The following VASP variants were observed in gnomAD, a reference collection of about 807,000 sequenced individuals.
VASP encodes vasodilator stimulated phosphoprotein, also known as vasodilator-stimulated phosphoprotein.
VASP carries 27 observed loss-of-function variants against 54.4 expected under a neutral mutation model. That is an observed-to-expected ratio of 0.50 (90% CI 0.37 to 0.68). The LOEUF is 0.68. VASP is among the 30% of genes least tolerant of loss of function. The probability of loss-of-function intolerance (pLI) is 0.00; values close to 1 mark genes in which losing one functional copy is unlikely to be tolerated. For synonymous variants in VASP, 233 were observed against 209.8 expected (o/e 1.11, Z -0.96); for missense variants, 488 against 528.3 (o/e 0.92, Z 0.75).
intron 9 of VASP, 97 bp from the exon 10 acceptor site, chr19:45,524,000 T>A: frequency 6.2e-7 from 1 of 1,608,818 alleles, no homozygotes. Flanking sequence ...TCTCCTGAGA[T>A]GGGGCTTTGA....
intron 1 of VASP, among the ~76,000 whole-genome samples, chr19:45,514,188 T>TGGCCTGCG (rs1968656647): frequency 6.6e-6 from 1 of 152,052 alleles, no homozygotes; most frequent in Non-Finnish European, 1.5e-5. Context: ...GGAATGTGTC[T>TGGCCTGCG]GGCCTGCGGG....
chr19:45,512,598 G>A (rs970503543), intron 1 of VASP, among the ~76,000 whole-genome samples: 6 of 137,980 alleles, frequency 4.3e-5, no homozygotes, highest in African/African-American at 1.6e-4. Flanking sequence ...TACCTTTTTT[G>A]TTTGTTTGTT....
chr19:45,522,416 C>A lies in VASP; in HGVS notation c.555C>A (p.Pro185=). 6.5e-7 allele frequency: 1 copy of A among 1,528,046 alleles called. No homozygotes were observed. Among genetic ancestry groups the A allele is most frequent in the South Asian group, 1.2e-5 (1 of 80,156 alleles). 94.7% of individuals were successfully genotyped at this position (1,528,046 alleles called of 1,614,324 possible). A position where few individuals can be genotyped will look rare whatever the true frequency, so the allele number is the denominator to read the frequency against. Residue 185 remains proline, a synonymous_variant, in exon 6 of 13, where the codon CCC becomes CCA. Coordinates refer to ENST00000245932, the MANE Select transcript of VASP (RefSeq NM_003370.4). ...CCCCTCCTCCAGGTCCCCCCCCACC[C>A]CCAGGTTTGCCCCCTTCGGGGGTCC... The part of the protein sequence containing the change: ...GPPPPPGPPP[P]PGLPPSGVPA...
At chr19:45,519,950 G>T (rs1968796156) in intron 3 of VASP, among the ~76,000 whole-genome samples, 1 of 124,532 alleles carries the variant, frequency 8.0e-6, no homozygotes, top group Non-Finnish European at 1.6e-5. Context: ...TGTCTCTCAG[G>T]CTGGAGTGCA....
intron 11 of VASP, chr19:45,525,671 C>G: frequency 3.2e-6 from 1 of 309,674 alleles, no homozygotes; most frequent in Non-Finnish European, 6.0e-6. Context: ...GCACTGCAGT[C>G]TGGGTGACAG....
At chr19:45,525,496 C>T (rs932245580) in intron 11 of VASP, among the ~76,000 whole-genome samples, 5 of 152,050 alleles carry the variant, frequency 3.3e-5, no homozygotes, top group East Asian at 1.9e-4. Flanking sequence ...GTCAAAAGTT[C>T]GAGACCAGCC....
intron 1 of VASP, among the ~76,000 whole-genome samples, chr19:45,511,078 C>T (rs1968592419): frequency 6.6e-6 from 1 of 152,030 alleles, no homozygotes. Context: ...ATTTATCTTC[C>T]TATTCACTTA....
At chr19:45,511,445 G>A (rs529085622) in intron 1 of VASP, among the ~76,000 whole-genome samples, 1 of 152,202 alleles carries the variant, frequency 6.6e-6, no homozygotes, top group Non-Finnish European at 1.5e-5. Flanking sequence ...TTTCAGAGAG[G>A]CAAAGCCACA....
chr19:45,512,920 C>G (rs1968629639), intron 1 of VASP, among the ~76,000 whole-genome samples: 1 of 152,080 alleles, frequency 6.6e-6, no homozygotes, highest in African/African-American at 2.4e-5. Context: ...TTTGTAAAGC[C>G]TCTGATCAAC....
At chr19:45,512,976 T>G (rs1319914194) in intron 1 of VASP, among the ~76,000 whole-genome samples, 1 of 152,202 alleles carries the variant, frequency 6.6e-6, no homozygotes, top group Non-Finnish European at 1.5e-5. Flanking sequence ...TAGCTCTGCT[T>G]CTTCATCTTT....
chr19:45,516,636 G>A (rs1200889640), intron 1 of VASP, among the ~76,000 whole-genome samples: 1 of 152,166 alleles, frequency 6.6e-6, no homozygotes, highest in Non-Finnish European at 1.5e-5. Context: ...CCCTCAGCCT[G>A]TCTCTCCATC....
In VASP at chr19:45,517,852, C is replaced by A. The variant is rs1435706416; in HGVS notation, c.177+18C>A. 1.2e-6 allele frequency: 2 copies of A among 1,611,268 alleles called. No individual in the cohort carries two copies. Among genetic ancestry groups the A allele is most frequent in the East Asian group, 4.5e-5 (2 of 44,822 alleles). On this transcript the variant is annotated intron_variant, in intron 2 of 12. Coordinates refer to ENST00000245932, the MANE Select transcript of VASP (RefSeq NM_003370.4). ...ACCAGCAGGTGCAGCTTCCCGCCGG[C>A]CCCCTCTGTGGGCTGAACCCCTACC...
chr19:45,517,554 T>G, intron 1 of VASP, 109 bp from the exon 2 acceptor site: 1 of 1,439,072 alleles, frequency 6.9e-7, no homozygotes, highest in Non-Finnish European at 9.4e-7. Context: ...CCTGCCTCCC[T>G]CTGTGTCACT....
At position 45,507,546 on chromosome 19, in the gene VASP, C is replaced by A. The variant is rs1968510056; in HGVS notation, c.-226C>A. 7.6e-6 allele frequency: 4 copies of A among 522,940 alleles called. No individual in the cohort carries two copies. The South Asian group carries it at 9.8e-5, about 13-fold the overall frequency. The allele number at this position is 522,940 out of a possible 1,614,324, so 32.4% of individuals were successfully genotyped here. A position where few individuals can be genotyped will look rare whatever the true frequency, so the allele number is the denominator to read the frequency against. On this transcript the variant is annotated 5_prime_UTR_variant, in exon 1 of 13. Transcript: ENST00000245932. This position sits in a 1 kb window ranked among gnomAD's most constrained non-coding sequence, Gnocchi z 4.4. Reference sequence around the variant, plus strand: ...GCGCGCTGGGGAGCGGACGCTGCATCCCCTTTCTGCTGCAGGAACCTCTCA... The same window carrying A: ...GCGCGCTGGGGAGCGGACGCTGCATACCCTTTCTGCTGCAGGAACCTCTCA...
intron 1 of VASP, among the ~76,000 whole-genome samples, chr19:45,517,387 T>C (rs77540809): frequency 6.6e-6 from 1 of 151,110 alleles, no homozygotes; most frequent in Non-Finnish European, 1.5e-5. Flanking sequence ...TCTGTCTGTC[T>C]GCCTTCAGTC....
In VASP at chr19:45,522,372, C is replaced by T; in HGVS notation, c.511C>T (p.Pro171Ser). 6.4e-7 allele frequency: 1 copy of T among 1,550,844 alleles called. No homozygotes were observed. The stretch of plus-strand genomic sequence containing the variant: ...ACCTGCTCCCCCCGCTGGGGGTCCA[C>T]CCCCACCACCAGGACCTCCCCCTCC... ...GPPAPPAGGP[P>S]PPPGPPPPPG... Residue 171 changes from proline (P) to serine (S), a missense_variant, in exon 6 of 13, where the codon CCC becomes TCC. Physicochemically the swap from Pro to Ser is moderately conservative, Grantham distance 74. Coordinates refer to ENST00000245932, the MANE Select transcript of VASP (RefSeq NM_003370.4).
intron 9 of VASP, 32 bp downstream of exon 9, chr19:45,523,909 C>A: frequency 2.5e-6 from 4 of 1,613,554 alleles, no homozygotes; most frequent in Non-Finnish European, 2.5e-6. Context: ...GCCACAGGAA[C>A]TACAAATCCC....
chr19:45,525,949 C>T lies in VASP; in HGVS notation c.1051C>T (p.Leu351Phe). 1 of 1,613,766 alleles carries T rather than the reference C, an allele frequency of 6.2e-7. No homozygotes were observed. The highest frequency in any genetic ancestry group is 8.5e-7 in the Non-Finnish European group (1 of 1,179,918). ...AGTTTTACCCCATTAATTTTAGGAGCTTCTGGAAGAGGTGAAGAAGGAATT... is the reference window on the plus strand; with the variant it reads ...AGTTTTACCCCATTAATTTTAGGAGTTTCTGGAAGAGGTGAAGAAGGAATT... The part of the protein sequence containing the change: ...YSDLQRVKQE[L>F]LEEVKKELQK... Residue 351 changes from leucine to phenylalanine, a missense_variant, in exon 12 of 13, where the codon CTT becomes TTT. Physicochemically the swap from Leu to Phe is conservative, Grantham distance 22. Coordinates refer to ENST00000245932, the MANE Select transcript of VASP (RefSeq NM_003370.4).
At position 45,517,739 on chromosome 19, in the gene VASP, A is replaced by G. The variant is rs1968734756; in HGVS notation, c.82A>G (p.Thr28Ala). Residue 28 changes from threonine to alanine, a missense_variant, in exon 2 of 13, where the codon ACG becomes GCG. Physicochemically the swap from Thr to Ala is moderately conservative, Grantham distance 58 (BLOSUM62 0). Around this residue, in one of 4 missense-constraint regions of VASP, gnomAD observed 127 missense variants for 170.7 expected, o/e 0.74. Transcript: ENST00000245932. ...CAACAAGCGATGGCTCCCTGCTGGCACGGGTCCCCAGGCCTTCAGCCGCGT... is the reference window on the plus strand; with the variant it reads ...CAACAAGCGATGGCTCCCTGCTGGCGCGGGTCCCCAGGCCTTCAGCCGCGT... Reference protein sequence around the residue: ...DGNKRWLPAGTGPQAFSRVQI... With the variant: ...DGNKRWLPAGAGPQAFSRVQI... 3 of 1,613,288 alleles carry G rather than the reference A, an allele frequency of 1.9e-6. No individual in the cohort carries two copies. The highest frequency in any genetic ancestry group is 1.3e-5 in the African/African-American group (1 of 74,894).
Sources: allele counts gnomAD v4.1 joint callset (sites outside exome capture counted in the v4.1 genomes callset), GRCh38; gene constraint gnomAD v4.1.1; regional missense constraint gnomAD v4.1.1; non-coding constraint Gnocchi (gnomAD v3.1); transcripts MANE v1.5; gene names NCBI Gene and HGNC (gene_info 2026-07-23, HGNC 2026-07-21).